Variants in CEP72 observed in about 807,000 individuals in gnomAD.
CEP72 encodes centrosomal protein 72.
A neutral mutation model predicts 65.7 loss-of-function variants in CEP72; 78 were observed. That is an observed-to-expected ratio of 1.19 (90% CI 0.99 to 1.43). The LOEUF (loss-of-function observed/expected upper bound fraction) is 1.43, where lower values mean the gene tolerates loss of function less well. Ranked by LOEUF, CEP72 falls within the 40% of genes most tolerant of loss-of-function variation. The probability of loss-of-function intolerance (pLI) is 0.00; values close to 1 mark genes in which losing one functional copy is unlikely to be tolerated. For missense variants in CEP72, 914 were observed against 832.9 expected (o/e 1.10, Z -1.20); for synonymous variants, 358 against 351.7 (o/e 1.02, Z -0.20).
intron 1 of CEP72, among the ~76,000 whole-genome samples, chr5:613,269 T>A (rs1735788830): frequency 6.6e-6 from 1 of 152,162 alleles, no homozygotes; most frequent in Admixed American, 6.5e-5. Context: ...CACAGGCCAA[T>A]ACACTGAGAC....
rs1356908594 is a variant in CEP72 at position 624,651 on chromosome 5, T to C, written c.512+72T>C. On this transcript the variant is annotated intron_variant, in intron 4 of 11. Transcript: ENST00000264935. The surrounding 1 kb of genome is among the most constrained non-coding windows in gnomAD (Gnocchi z 4.7). ...TGCTGTCAGGAGGATTAACCGAACG[T>C]CATTCACTGTGTGCCGGTCACTCTC... is the stretch of plus-strand genomic sequence containing the variant. 4.2e-5 allele frequency: 46 copies of C among 1,083,508 alleles called. No homozygotes were observed. The highest frequency in any genetic ancestry group is 6.1e-5 in the Non-Finnish European group (43 of 701,878). 67.1% of individuals were successfully genotyped at this position (1,083,508 alleles called of 1,614,324 possible). A position where few individuals can be genotyped will look rare whatever the true frequency, so the allele number is the denominator to read the frequency against.
intron 11 of CEP72, among the ~76,000 whole-genome samples, chr5:651,239 A>G (rs1221449035): frequency 1.3e-5 from 1 of 77,900 alleles, no homozygotes; most frequent in Non-Finnish European, 2.4e-5. Flanking sequence ...GGTGTGACTG[A>G]GGCGTGGACT....
chr5:653,954 C>T (rs988917775), downstream of CEP72, among the ~76,000 whole-genome samples: 2 of 151,092 alleles, frequency 1.3e-5, no homozygotes, highest in African/African-American at 4.9e-5. Context: ...TCTGTGCTAG[C>T]TCTGTGTGTG....
At chr5:654,356 G>T (rs1580051597), downstream of CEP72, among the ~76,000 whole-genome samples, 1 of 84,682 alleles carries the variant, frequency 1.2e-5, no homozygotes, top group South Asian at 3.0e-4. Context: ...CACGCACCCT[G>T]TGTGTGTGCT....
downstream of CEP72, among the ~76,000 whole-genome samples, chr5:669,804 G>A (rs971176071): frequency 6.6e-6 from 1 of 151,986 alleles, no homozygotes; most frequent in Non-Finnish European, 1.5e-5. Context: ...AGACCCGGGT[G>A]CCCCCCGCCT....
At chr5:620,029 T>C (rs774086594) in intron 2 of CEP72, 40 bp from the exon 3 acceptor site, 25 of 1,547,100 alleles carry the variant, frequency 1.6e-5, no homozygotes, top group Non-Finnish European at 2.2e-5. Context: ...GTATTTCTTG[T>C]TTAAAGTGTG....
Position 629,686 on chromosome 5 carries a change from C to T in CEP72, c.513-4083C>T, listed in dbSNP as rs1267018651. On this transcript the variant is annotated intron_variant, in intron 4 of 11. Transcript: ENST00000264935. ...GTCCTGGTGGGGTTCTGTCCAGTGC[C>T]GGGATTTGGCCCAGTCCTGGTGGGG... 3.7e-4 allele frequency among the ~76,000 whole-genome samples: 20 copies of T among 53,788 alleles called. No individual in the cohort carries two copies. In the South Asian group the frequency reaches 4.1e-3, roughly 11 times the overall value. 35.3% of individuals were successfully genotyped at this position (53,788 alleles called of 152,430 possible).
intron 11 of CEP72, among the ~76,000 whole-genome samples, chr5:649,879 G>A (rs1430159874): frequency 1.6e-5 from 2 of 127,474 alleles, no homozygotes; most frequent in Non-Finnish European, 3.4e-5. Context: ...GGTGTGGACT[G>A]TGAGGTGGGA....
chr5:654,824 C>T (rs12520424), downstream of CEP72, among the ~76,000 whole-genome samples: 1 of 115,354 alleles, frequency 8.7e-6, no homozygotes, highest in Non-Finnish European at 2.2e-5. Flanking sequence ...TGTCTGACCC[C>T]GTCTCTCACT....
chr5:631,508 C>T (rs1737184015), intron 4 of CEP72, among the ~76,000 whole-genome samples: 1 of 50,472 alleles, frequency 2.0e-5, no homozygotes, highest in Non-Finnish European at 3.6e-5. Context: ...TGGTGGGGTT[C>T]TGTCCAGCGC....
chr5:647,931 GA>G lies in CEP72; in HGVS notation c.1778+16del. ...GAGAGCCACAGGTGCCTGCCCGTGAGACTTGGGTGGGCCCCCGAGGGGAGGA... is the reference window on the plus strand; with the variant it reads ...GAGAGCCACAGGTGCCTGCCCGTGAGCTTGGGTGGGCCCCCGAGGGGAGGA... On this transcript the variant is annotated intron_variant, in intron 11 of 11. Transcript: ENST00000264935. 1 of 1,591,134 alleles carries G rather than the reference GA, an allele frequency of 6.3e-7. No homozygotes were observed. Among genetic ancestry groups the G allele is most frequent in the Admixed American group, 1.7e-5 (1 of 59,366 alleles).
downstream of CEP72, among the ~76,000 whole-genome samples, chr5:654,081 GTGTGTGTGTGCTAGC>G (rs1368049441): frequency 0.012 from 793 of 67,552 alleles, 27 homozygotes; most frequent in Admixed American, 0.1. Context: ...TGTGCGCCTA[GTGTGTGTGTGCTAGC>G]TGTGTGTGTG....
chr5:644,477 GCC>G, intron 10 of CEP72, 52 bp downstream of exon 10: 2 of 1,589,696 alleles, frequency 1.3e-6, no homozygotes, highest in South Asian at 2.2e-5. Context: ...GTTCAAATGT[GCC>G]TAGGTAGACT....
chr5:675,706 G>C, the CEP72 span: 1 of 154,794 alleles, frequency 6.5e-6, no homozygotes, highest in Admixed American at 6.5e-5. Flanking sequence ...CCCTTGCTCT[G>C]GCAGGCTCCT....
Position 647,920 on chromosome 5 carries a change from CCTG to C in CEP72, c.1778+6_1778+8del. On this transcript the variant is annotated splice_donor_5th_base_variant and intron_variant, in intron 11 of 11. Transcript: ENST00000264935. The stretch of plus-strand genomic sequence containing the variant: ...AGATGCTGCAGGAGAGCCACAGGTG[CCTG>C]CCCGTGAGACTTGGGTGGGCCCCCG... 1 of 1,606,146 alleles carries C rather than the reference CCTG, an allele frequency of 6.2e-7. No homozygotes were observed. Among genetic ancestry groups the C allele is most frequent in the Non-Finnish European group, 8.5e-7 (1 of 1,175,824 alleles).
intron 3 of CEP72, among the ~76,000 whole-genome samples, chr5:621,575 G>T (rs1365624937): frequency 3.9e-5 from 6 of 152,196 alleles, no homozygotes; most frequent in Non-Finnish European, 5.9e-5. Context: ...CATGAAGTTC[G>T]TGTGACGTCA....
chr5:632,802 G>A (rs1429452163), intron 4 of CEP72, among the ~76,000 whole-genome samples: 4 of 51,720 alleles, frequency 7.7e-5, no homozygotes, highest in African/African-American at 2.9e-4. Context: ...TCTGTCCAGC[G>A]CCGGGATTTG....
chr5:668,255 G>C (rs76677870), downstream of CEP72, among the ~76,000 whole-genome samples: 300 of 31,994 alleles, frequency 9.4e-3, 12 homozygotes, highest in African/African-American at 0.077. Context: ...AGGGAAGTGC[G>C]GACAAGCACA....
Position 637,667 on chromosome 5 carries a change from G to T in CEP72, c.1055G>T (p.Gly352Val), listed in dbSNP as rs1468584721. 6.2e-7 allele frequency: 1 copy of T among 1,613,850 alleles called. No individual in the cohort carries two copies. The highest frequency in any genetic ancestry group is 8.5e-7 in the Non-Finnish European group (1 of 1,180,044). ...FQTFSDQEGLGCPERTHGSSV... is the reference protein window; with the variant it reads ...FQTFSDQEGLVCPERTHGSSV... The stretch of plus-strand genomic sequence containing the variant: ...ACGTTTTCGGACCAGGAGGGTTTGG[G>T]CTGCCCGGAGAGAACTCATGGGTCC... Residue 352 changes from glycine (G) to valine (V), a missense_variant, in exon 7 of 12, where the codon GGC becomes GTC. Physicochemically the swap from Gly to Val is moderately radical, Grantham distance 109 (BLOSUM62 -3). Transcript: ENST00000264935.
Sources: allele counts gnomAD v4.1 joint callset (sites outside exome capture counted in the v4.1 genomes callset), GRCh38; gene constraint gnomAD v4.1.1; non-coding constraint Gnocchi (gnomAD v3.1); transcripts MANE v1.5; gene names NCBI Gene and HGNC (gene_info 2026-07-23, HGNC 2026-07-21).